EXTL3: variants seen among roughly 807,000 people sequenced by gnomAD.
EXTL3 encodes the protein exostosin like glycosyltransferase 3.
In EXTL3, 27 loss-of-function variants were observed where a neutral mutation model predicts 69.3. That is an observed-to-expected ratio of 0.39 (90% CI 0.29 to 0.54). The LOEUF is 0.54. EXTL3 is among the 20% of genes least tolerant of loss of function. The pLI, the probability that EXTL3 is intolerant of heterozygous loss-of-function variation, is 0.69. For missense variants in EXTL3, 1,003 were observed against 1,231.8 expected, an observed-to-expected ratio of 0.81 and a Z score of 2.78; for synonymous variants, 511 against 499.4, an observed-to-expected ratio of 1.02 and a Z score of -0.31.
chr8:28,647,270 A>G (rs1034134601), intron 1 of EXTL3, among the ~76,000 whole-genome samples: 2 of 151,916 alleles, frequency 1.3e-5, no homozygotes, highest in African/African-American at 2.4e-5. Context: ...ATGCCCAATG[A>G]ATTTTTTTTA....
intron 3 of EXTL3, among the ~76,000 whole-genome samples, chr8:28,723,842 A>G (rs1052801349): frequency 2.0e-5 from 3 of 151,976 alleles, no homozygotes; most frequent in South Asian, 2.1e-4. Context: ...GGATTTTGCC[A>G]TGGTGGCCAG....
chr8:28,711,315 C>T (rs1361529236), intron 1 of EXTL3, among the ~76,000 whole-genome samples: 2 of 152,012 alleles, frequency 1.3e-5, no homozygotes, highest in Non-Finnish European at 1.5e-5. Flanking sequence ...TTTTCGATTT[C>T]GTTGATTTCT....
chr8:28,716,785 G>A lies in EXTL3; in HGVS notation c.726G>A (p.Val242=), dbSNP rs758575491. 1 of 1,614,256 alleles carries A rather than the reference G, an allele frequency of 6.2e-7. No individual in the cohort carries two copies. The highest frequency in any genetic ancestry group is 1.1e-5 in the South Asian group (1 of 91,084). ...TCGCCTGCCTTTACGTGATACTAGT[G>A]GGAGAGATGCAGGAGCCGGTGGTGC... ...ADIACLYVIL[V]GEMQEPVVLR... The change falls in exon 3 of 7, where the codon GTG becomes GTA. Residue 242 remains valine, a synonymous_variant. Transcript: ENST00000220562. This position sits in a 1 kb window ranked among gnomAD's most constrained non-coding sequence, Gnocchi z 7.1.
intron 1 of EXTL3, among the ~76,000 whole-genome samples, chr8:28,655,310 C>T (rs1338254758): frequency 2.0e-5 from 3 of 152,112 alleles, no homozygotes; most frequent in Admixed American, 2.0e-4. Context: ...AAAAATTCTG[C>T]AAGACAAATA....
At chr8:28,736,785 C>T (rs1048003775) in intron 4 of EXTL3, among the ~76,000 whole-genome samples, 8 of 152,172 alleles carry the variant, frequency 5.3e-5, no homozygotes, top group Non-Finnish European at 1.2e-4. Context: ...AAAAACAAAG[C>T]CTTTCTTAGA....
At chr8:28,690,992 T>TG (rs1164470444) in intron 1 of EXTL3, among the ~76,000 whole-genome samples, 3 of 152,090 alleles carry the variant, frequency 2.0e-5, no homozygotes, top group African/African-American at 7.2e-5. Context: ...GGGGTGAAGT[T>TG]GGGGGGAAGT....
intron 2 of EXTL3, among the ~76,000 whole-genome samples, chr8:28,616,576 G>A (rs1015405209): frequency 2.6e-5 from 4 of 151,700 alleles, no homozygotes; most frequent in South Asian, 2.1e-4. Flanking sequence ...GCAGTGAGCC[G>A]AGATCATGCC....
chr8:28,650,371 ATTATT>A (rs1006258635), intron 1 of EXTL3, among the ~76,000 whole-genome samples: 16 of 151,076 alleles, frequency 1.1e-4, no homozygotes, highest in African/African-American at 3.9e-4. Context: ...TATTATTATT[ATTATT>A]TTGAGACAGA....
At chr8:28,702,224 C>T (rs1800821913) in intron 1 of EXTL3, among the ~76,000 whole-genome samples, 1 of 152,212 alleles carries the variant, frequency 6.6e-6, no homozygotes, top group South Asian at 2.1e-4. Context: ...CCGGGCTCGC[C>T]TCCTTTCAGG....
chr8:28,691,381 G>A (rs1200950155), intron 1 of EXTL3, among the ~76,000 whole-genome samples: 1 of 152,168 alleles, frequency 6.6e-6, no homozygotes, highest in Non-Finnish European at 1.5e-5. Flanking sequence ...GAATCACTGA[G>A]CTAGACCATA....
At chr8:28,611,066 G>C (rs1806265955) in intron 2 of EXTL3, among the ~76,000 whole-genome samples, 2 of 152,156 alleles carry the variant, frequency 1.3e-5, no homozygotes, top group South Asian at 4.1e-4. Context: ...CTGTTCTACT[G>C]TATTACCTCT....
At chr8:28,710,474 G>A (rs1162845098) in intron 1 of EXTL3, 4 of 456,192 alleles carry the variant, frequency 8.8e-6, no homozygotes, top group East Asian at 6.9e-5. Flanking sequence ...GGGTGAGAAC[G>A]CAAGACACTT....
chr8:28,737,613 T>C lies in EXTL3; in HGVS notation c.2371T>C (p.Tyr791His). 1 of 1,614,154 alleles carries C rather than the reference T, an allele frequency of 6.2e-7. No homozygotes were observed. The highest frequency in any genetic ancestry group is 8.5e-7 in the Non-Finnish European group (1 of 1,179,970). Residue 791 changes from tyrosine (Y) to histidine (H), a missense_variant, in exon 5 of 7, where the codon TAC becomes CAC. Coordinates refer to ENST00000220562, the MANE Select transcript of EXTL3 (RefSeq NM_001440.4). ...TCAGTCCTGGCTCTACAACTCCAAC[T>C]ACTCCTGTGAGCTGTCCATGGTGCT... ...PHQSWLYNSNYSCELSMVLTG... is the reference protein window; with the variant it reads ...PHQSWLYNSNHSCELSMVLTG...
intron 1 of EXTL3, among the ~76,000 whole-genome samples, chr8:28,707,703 A>G (rs1477009988): frequency 2.0e-5 from 3 of 152,070 alleles, no homozygotes; most frequent in East Asian, 3.8e-4. Context: ...CCCCACACCT[A>G]GGAATTCTGA....
chr8:28,729,292 CAAAAAAAAAAAAAA>C (rs72487306), intron 3 of EXTL3, among the ~76,000 whole-genome samples: 1 of 74,068 alleles, frequency 1.4e-5, no homozygotes, highest in African/African-American at 5.9e-5. Flanking sequence ...GACTCTATCT[CAAAAAAAAAAAAAA>C]AAAAAAATGT....
chr8:28,744,877 C>T (rs576930046), intron 6 of EXTL3, among the ~76,000 whole-genome samples: 7 of 151,568 alleles, frequency 4.6e-5, no homozygotes, highest in East Asian at 3.9e-4. Flanking sequence ...GCAGGAGAAT[C>T]GCTTGAATCC....
intron 5 of EXTL3, chr8:28,742,609 C>T (rs1259853894): frequency 9.7e-6 from 2 of 205,680 alleles, no homozygotes; most frequent in Non-Finnish European, 2.0e-5. Context: ...GTAGCCAGGG[C>T]CGATGGCGAG....
intron 3 of EXTL3, 26 bp downstream of exon 3, chr8:28,718,233 T>C: frequency 6.2e-7 from 1 of 1,606,750 alleles, no homozygotes; most frequent in South Asian, 1.1e-5. Flanking sequence ...ACAGTTCGTT[T>C]TGGTGCATGA....
chr8:28,706,989 G>A (rs773476738), intron 1 of EXTL3, among the ~76,000 whole-genome samples: 2 of 151,746 alleles, frequency 1.3e-5, no homozygotes, highest in East Asian at 1.9e-4. Flanking sequence ...TTCTTGTTAC[G>A]GTTCATTTAT....
Sources: allele counts gnomAD v4.1 joint callset (sites outside exome capture counted in the v4.1 genomes callset), GRCh38; gene constraint gnomAD v4.1.1; non-coding constraint Gnocchi (gnomAD v3.1); transcripts MANE v1.5; gene names NCBI Gene and HGNC (gene_info 2026-07-23, HGNC 2026-07-21).